Variants in MICU3 observed in about 807,000 individuals in gnomAD.
The protein encoded by MICU3 is mitochondrial calcium uptake 3.
A neutral mutation model predicts 66.5 loss-of-function variants in MICU3; 62 were observed. The ratio of observed to expected loss-of-function variants is 0.93; its 90% CI spans 0.76 to 1.15. The LOEUF (loss-of-function observed/expected upper bound fraction) is 1.15, where lower values mean the gene tolerates loss of function less well. Among genes scored for constraint, MICU3 ranks in the 50% most tolerant of loss-of-function variants. The pLI is 0.00. For missense variants in MICU3, 779 were observed against 664.4 expected, an observed-to-expected ratio of 1.17 and a Z score of -1.90; for synonymous variants, 308 against 240.7, an observed-to-expected ratio of 1.28 and a Z score of -2.59.
At chr8:17,044,229 T>A (rs959970455) in intron 1 of MICU3, among the ~76,000 whole-genome samples, 19 of 152,196 alleles carry the variant, frequency 1.2e-4, no homozygotes, top group African/African-American at 4.6e-4. Flanking sequence ...GAAAGTTCAT[T>A]ATCTGAATGT....
intron 1 of MICU3, among the ~76,000 whole-genome samples, chr8:17,052,593 G>A (rs986923074): frequency 6.6e-6 from 1 of 152,082 alleles, no homozygotes; most frequent in African/African-American, 2.4e-5. Flanking sequence ...GCTTTATCTA[G>A]CAACTTTTAA....
At position 17,122,115 on chromosome 8, in the gene MICU3, G is replaced by T. The variant is rs2904648; in HGVS notation, c.*1828G>T. Reference sequence around the variant, plus strand: ...TCTGTCATTTTCCCAAGGAAGAATAGCATTGTACATATGCAATCTTTATTT... The same window carrying T: ...TCTGTCATTTTCCCAAGGAAGAATATCATTGTACATATGCAATCTTTATTT... On this transcript the variant is annotated 3_prime_UTR_variant, in exon 15 of 15. Transcript: ENST00000318063. 6.6e-6 allele frequency: 1 copy of T among 151,576 alleles called. No homozygotes were observed. Among genetic ancestry groups the T allele is most frequent in the Non-Finnish European group, 1.5e-5 (1 of 67,700 alleles). 9.4% of individuals were successfully genotyped at this position (151,576 alleles called of 1,614,324 possible). A position where few individuals can be genotyped will look rare whatever the true frequency, so the allele number is the denominator to read the frequency against.
intron 1 of MICU3, among the ~76,000 whole-genome samples, chr8:17,037,421 G>A (rs990493355): frequency 3.3e-5 from 5 of 152,216 alleles, no homozygotes; most frequent in Non-Finnish European, 7.3e-5. Flanking sequence ...GGTACCCTGT[G>A]TCCCAGCCAT....
the MICU3 span, among the ~76,000 whole-genome samples, chr8:17,128,529 T>TA: frequency 6.6e-6 from 1 of 152,222 alleles, no homozygotes; most frequent in Non-Finnish European, 1.5e-5. Flanking sequence ...CAGATACACT[T>TA]ATGAGATAGA....
chr8:17,119,212 C>G (rs1332847009), intron 14 of MICU3, among the ~76,000 whole-genome samples: 1 of 152,146 alleles, frequency 6.6e-6, no homozygotes, highest in Non-Finnish European at 1.5e-5. Flanking sequence ...CATAGGATAA[C>G]TTGCTAGTCA....
rs571523648 is a variant in MICU3, at chr8:17,069,077, C to T, written c.536-611C>T. On this transcript the variant is annotated intron_variant, in intron 2 of 14. Transcript: ENST00000318063. The stretch of plus-strand genomic sequence containing the variant: ...GAGGAATCACAAAAAGAAAGTGATC[C>T]CTGACATTTTATTCAGCTGTAACAC... Among the ~76,000 whole-genome samples, 4 of 152,132 alleles carry T rather than the reference C, an allele frequency of 2.6e-5. No individual in the cohort carries two copies. The South Asian group carries it at 6.2e-4, about 24-fold the overall frequency.
chr8:17,042,770 G>T (rs906270303), intron 1 of MICU3, among the ~76,000 whole-genome samples: 1 of 152,018 alleles, frequency 6.6e-6, no homozygotes, highest in Non-Finnish European at 1.5e-5. Flanking sequence ...TACAGGAAGT[G>T]TATACAAAAG....
At chr8:17,060,475 C>A (rs1319097382) in intron 1 of MICU3, among the ~76,000 whole-genome samples, 1 of 151,992 alleles carries the variant, frequency 6.6e-6, no homozygotes, top group Non-Finnish European at 1.5e-5. Context: ...CCACACCCGG[C>A]CAATTTTTGT....
intron 4 of MICU3, among the ~76,000 whole-genome samples, chr8:17,079,885 G>A (rs1820916982): frequency 6.6e-6 from 1 of 152,052 alleles, no homozygotes; most frequent in African/African-American, 2.4e-5. Flanking sequence ...AAATTGATAT[G>A]CATTCATGAA....
chr8:17,042,724 C>T (rs6587010), intron 1 of MICU3, among the ~76,000 whole-genome samples: 62,747 of 151,524 alleles, frequency 0.41, 17,108 homozygotes, highest in African/African-American at 0.79. Context: ...TAATTGTCTT[C>T]TAACCCTTCT....
At chr8:17,038,371 T>A (rs951916869) in intron 1 of MICU3, among the ~76,000 whole-genome samples, 1 of 152,244 alleles carries the variant, frequency 6.6e-6, no homozygotes, top group African/African-American at 2.4e-5. Context: ...AGAGTTCCTC[T>A]GCACATGCTC....
intron 2 of MICU3, among the ~76,000 whole-genome samples, chr8:17,066,493 ATTC>A (rs1446647743): frequency 2.1e-5 from 3 of 141,524 alleles, no homozygotes; most frequent in African/African-American, 8.0e-5. Context: ...TTTGAAAGCT[ATTC>A]TTTAAGTGAT....
chr8:17,035,235 G>A (rs1279563511), intron 1 of MICU3, among the ~76,000 whole-genome samples: 3 of 152,168 alleles, frequency 2.0e-5, no homozygotes, highest in Non-Finnish European at 4.4e-5. Context: ...TCTTGGGTAT[G>A]TTTTTATTAG....
chr8:17,048,058 A>G (rs572397147), intron 1 of MICU3, among the ~76,000 whole-genome samples: 13 of 152,324 alleles, frequency 8.5e-5, no homozygotes, highest in African/African-American at 2.9e-4. Flanking sequence ...TCCCTTCTTC[A>G]TGTCATAATT....
intron 3 of MICU3, among the ~76,000 whole-genome samples, chr8:17,070,098 T>C (rs1031428516): frequency 6.6e-6 from 1 of 152,100 alleles, no homozygotes; most frequent in Non-Finnish European, 1.5e-5. Flanking sequence ...TTGAATAGAC[T>C]CTGTGATCTA....
chr8:17,071,083 T>C (rs1423997906), intron 3 of MICU3, among the ~76,000 whole-genome samples: 2 of 152,144 alleles, frequency 1.3e-5, no homozygotes, highest in African/African-American at 4.8e-5. Flanking sequence ...TGGACTGCAG[T>C]TGACTGAGGG....
At chr8:17,052,817 A>T (rs111486032) in intron 1 of MICU3, among the ~76,000 whole-genome samples, 8 of 152,218 alleles carry the variant, frequency 5.3e-5, no homozygotes, top group African/African-American at 1.4e-4. Context: ...GCCTGAAGCC[A>T]TTTGGGAAAA....
At chr8:17,063,519 G>C (rs1818194723) in intron 1 of MICU3, among the ~76,000 whole-genome samples, 1 of 152,140 alleles carries the variant, frequency 6.6e-6, no homozygotes. Flanking sequence ...TGAAGGAAAA[G>C]AGACCCCTAA....
intron 4 of MICU3, among the ~76,000 whole-genome samples, 165 bp downstream of exon 4, chr8:17,078,026 A>T (rs1048416662): frequency 6.6e-6 from 1 of 151,976 alleles, no homozygotes; most frequent in Non-Finnish European, 1.5e-5. Flanking sequence ...TCTGGGTATT[A>T]ATGTTGCTCT....
Sources: gnomAD v4.1 joint callset for allele counts (sites outside exome capture counted in the v4.1 genomes callset) on GRCh38, gnomAD v4.1.1 for gene constraint, MANE v1.5 for transcripts, NCBI Gene and HGNC (gene_info 2026-07-23, HGNC 2026-07-21) for gene names.